Variants in SPDEF observed in about 807,000 individuals in gnomAD.
SPDEF encodes SAM pointed domain-containing Ets transcription factor.
SPDEF carries 12 observed loss-of-function variants against 36.0 expected under a neutral mutation model. The ratio of observed to expected loss-of-function variants is 0.33; its 90% CI spans 0.21 to 0.54. The LOEUF (loss-of-function observed/expected upper bound fraction) is 0.54, where lower values mean the gene tolerates loss of function less well. SPDEF is among the 20% of genes least tolerant of loss of function. The probability of loss-of-function intolerance (pLI) is 0.93; values close to 1 mark genes in which losing one functional copy is unlikely to be tolerated. For synonymous variants in SPDEF, 205 were observed against 193.0 expected, an observed-to-expected ratio of 1.06 and a Z score of -0.51; for missense variants, 388 against 456.9, an observed-to-expected ratio of 0.85 and a Z score of 1.37.
intron 2 of SPDEF, 59 bp downstream of exon 2, chr6:34,543,961 G>C: frequency 6.4e-7 from 1 of 1,552,954 alleles, no homozygotes; most frequent in South Asian, 1.2e-5. Flanking sequence ...ACCCACCCCA[G>C]CGACCTCAGC....
At position 34,548,808 on chromosome 6, in the gene SPDEF, C is replaced by T. The variant is rs192354852; in HGVS notation, c.-29-4324G>A. On this transcript the variant is annotated intron_variant, in intron 1 of 5. Transcript: ENST00000374037. ...GCGAGCCCTCCCTAATAGCTCCCTC[C>T]TGCGACTTCCTAGGCTCGCCTCATC... 3.9e-3 allele frequency among the ~76,000 whole-genome samples: 591 copies of T among 152,338 alleles called. 2 individuals carry two copies. Among genetic ancestry groups the T allele is most frequent in the Non-Finnish European group, 5.9e-3 (401 of 68,020 alleles).
In SPDEF at chr6:34,544,628, C is replaced by T. The variant is rs192937795; in HGVS notation, c.-29-144G>A. ...GGGCTTCCGGGTCATTGGGCAGCCA[C>T]GACATGGTTGGGCAGACAGGCCTTC... On this transcript the variant is annotated intron_variant, in intron 1 of 5. Coordinates refer to ENST00000374037, the MANE Select transcript of SPDEF (RefSeq NM_012391.3). This position sits in a 1 kb window ranked among gnomAD's most constrained non-coding sequence, Gnocchi z 4.4. 9 of 631,896 alleles carry T rather than the reference C, an allele frequency of 1.4e-5. No individual in the cohort carries two copies. The highest frequency in any genetic ancestry group is 3.4e-5 in the Admixed American group (1 of 28,994). 39.1% of individuals were successfully genotyped at this position (631,896 alleles called of 1,614,324 possible). A position where few individuals can be genotyped will look rare whatever the true frequency, so the allele number is the denominator to read the frequency against.
chr6:34,546,191 T>C (rs1002996631), intron 1 of SPDEF, among the ~76,000 whole-genome samples: 1 of 152,238 alleles, frequency 6.6e-6, no homozygotes, highest in African/African-American at 2.4e-5. Context: ...TCACAGCCAC[T>C]GAATCAGCAG....
chr6:34,542,030 T>C (rs1767832759), intron 2 of SPDEF, among the ~76,000 whole-genome samples: 1 of 152,164 alleles, frequency 6.6e-6, no homozygotes, highest in African/African-American at 2.4e-5. Flanking sequence ...TTTGTTTCTG[T>C]TCCCATTGTT....
Position 34,541,036 on chromosome 6 carries a change from G to A in SPDEF, c.582C>T (p.Arg194=), listed in dbSNP as rs1404457360. ...GCAGCACATCCCCACCCAGGGGCGA[G>A]CGCTGGCGGAACTGCTCCTCCGACA... is the stretch of plus-strand genomic sequence containing the variant. ...CAMSEEQFRQ[R]SPLGGDVLHA... Residue 194 remains arginine (R), a synonymous_variant, in exon 3 of 6, where the codon CGC becomes CGT. Transcript: ENST00000374037. 5 of 1,612,364 alleles carry A rather than the reference G, an allele frequency of 3.1e-6. No homozygotes were observed. The highest frequency in any genetic ancestry group is 1.9e-4 in the Middle Eastern group (1 of 5,360).
rs1767894390 is a variant in SPDEF, at chr6:34,544,217, G to A, written c.239C>T (p.Ala80Val). ...DSSWAAKAPG[A>V]SSREEPPEEP... ...CTCAGGTGGCTCCTCCCGACTGCTG[G>A]CCCCAGGGGCCTTGGCTGCCCAGCT... is the stretch of plus-strand genomic sequence containing the variant. The change falls in exon 2 of 6, where the codon GCC (alanine) becomes GTC (valine). Residue 80 changes from alanine to valine, a missense_variant. Ala to Val is a moderately conservative substitution (Grantham distance 64). This residue lies in a region of SPDEF where 308 missense variants were observed against 326.1 expected (regional missense o/e 0.94). Transcript: ENST00000374037. The surrounding 1 kb of genome is among the most constrained non-coding windows in gnomAD (Gnocchi z 4.4). 2 of 1,613,696 alleles carry A rather than the reference G, an allele frequency of 1.2e-6. No individual in the cohort carries two copies. The highest frequency in any genetic ancestry group is 1.3e-5 in the African/African-American group (1 of 74,930).
chr6:34,539,067 G>A lies in SPDEF; in HGVS notation c.829+183C>T, dbSNP rs977262805. ...CAGAGTCTAGCAGGAGACAGATGTG[G>A]ACACAGATTGCACACAGACCCCAGG... On this transcript the variant is annotated intron_variant, in intron 5 of 5. Coordinates refer to ENST00000374037, the MANE Select transcript of SPDEF (RefSeq NM_012391.3). This position sits in a 1 kb window ranked among gnomAD's most constrained non-coding sequence, Gnocchi z 5.2. Among the ~76,000 whole-genome samples, 7 of 152,194 alleles carry A rather than the reference G, an allele frequency of 4.6e-5. No individual in the cohort carries two copies. Among genetic ancestry groups the A allele is most frequent in the African/African-American group, 1.7e-4 (7 of 41,434 alleles).
chr6:34,554,335 G>A (rs1768123638), intron 1 of SPDEF, among the ~76,000 whole-genome samples: 1 of 152,088 alleles, frequency 6.6e-6, no homozygotes, highest in South Asian at 2.1e-4. Flanking sequence ...CACACTTTCT[G>A]AGCATCGACT....
chr6:34,540,582 C>CA (rs141439042), intron 3 of SPDEF, among the ~76,000 whole-genome samples: 2,675 of 152,088 alleles, frequency 0.018, 72 homozygotes, highest in African/African-American at 0.06. Flanking sequence ...CACTACTTTT[C>CA]ACTGTGGTCT....
chr6:34,548,370 C>A (rs1484619289), intron 1 of SPDEF, among the ~76,000 whole-genome samples: 1 of 152,156 alleles, frequency 6.6e-6, no homozygotes, highest in Non-Finnish European at 1.5e-5. Context: ...AAGTCTGTCC[C>A]CACCTCTTGG....
At chr6:34,545,488 G>A (rs1767932011) in intron 1 of SPDEF, among the ~76,000 whole-genome samples, 1 of 152,266 alleles carries the variant, frequency 6.6e-6, no homozygotes, top group African/African-American at 2.4e-5. Flanking sequence ...TTTTGCCCAG[G>A]CCCTTTTCCC....
At chr6:34,543,906 C>T (rs1022128113) in intron 2 of SPDEF, 114 bp downstream of exon 2, 42 of 1,046,806 alleles carry the variant, frequency 4.0e-5, no homozygotes, top group Non-Finnish European at 4.7e-5. Flanking sequence ...CAAAGCTGCC[C>T]GAGGCTGGGC....
rs1767778426 is a variant in SPDEF, at chr6:34,539,705, T to C, written c.635-143A>G. The C allele has an allele frequency of 6.6e-6, 6 of 911,368 alleles. No individual in the cohort carries two copies. Among genetic ancestry groups the C allele is most frequent in the Non-Finnish European group, 1.0e-5 (6 of 573,100 alleles). The allele number at this position is 911,368 out of a possible 1,614,324, so 56.5% of individuals were successfully genotyped here. ...TGTGGCTCCCTGCCTCCTGCCAACC[T>C]GGGGAGGCAAGCTGGTTACAAGAAG... On this transcript the variant is annotated intron_variant, in intron 3 of 5. Transcript: ENST00000374037. The surrounding 1 kb of genome is among the most constrained non-coding windows in gnomAD (Gnocchi z 5.2).
intron 1 of SPDEF, among the ~76,000 whole-genome samples, chr6:34,551,405 C>A (rs1446153414): frequency 6.6e-6 from 1 of 152,202 alleles, no homozygotes; most frequent in African/African-American, 2.4e-5. Context: ...CAGGTGACAC[C>A]CTGCCCTGTT....
chr6:34,542,170 G>A (rs372729689), intron 2 of SPDEF, among the ~76,000 whole-genome samples: 3 of 152,334 alleles, frequency 2.0e-5, no homozygotes, highest in East Asian at 1.9e-4. Context: ...AAATGAGGAC[G>A]TCAACGGGGC....
chr6:34,553,337 C>T lies in SPDEF; in HGVS notation c.-30+2592G>A, dbSNP rs368349560. On this transcript the variant is annotated intron_variant, in intron 1 of 5. Transcript: ENST00000374037. ...TCAGGAAGAGCCCAGGGCAACTCGG[C>T]TTGTGCAAAGTTTGCTTTGGGAAGA... is the stretch of plus-strand genomic sequence containing the variant. Among the ~76,000 whole-genome samples the T allele has an allele frequency of 5.7e-3, 850 of 148,258 alleles. 6 individuals carry two copies. The highest frequency in any genetic ancestry group is 0.02 in the African/African-American group (805 of 40,792).
rs749697437 is a variant in SPDEF at position 34,544,334 on chromosome 6, C to T, written c.122G>A (p.Arg41Gln). The T allele has an allele frequency of 1.9e-5, 31 of 1,607,816 alleles. No individual in the cohort carries two copies. Among genetic ancestry groups the T allele is most frequent in the Non-Finnish European group, 2.4e-5 (28 of 1,179,466 alleles). The change falls in exon 2 of 6, where the codon CGG becomes CAG. Residue 41 changes from arginine (R) to glutamine (Q), a missense_variant. By Grantham distance (43) the Arg-to-Gln change is conservative. Coordinates refer to ENST00000374037, the MANE Select transcript of SPDEF (RefSeq NM_012391.3). This position sits in a 1 kb window ranked among gnomAD's most constrained non-coding sequence, Gnocchi z 4.4. The stretch of plus-strand genomic sequence containing the variant: ...GGCGGGTGGACTGGGACTCCAGTCC[C>T]GTCTCTCGAGACCCACTGCCCCCGC... ...AAAGAVGLER[R>Q]DWSPSPPATP... is the part of the protein sequence containing the mutation.
In SPDEF at chr6:34,544,649, C is replaced by A. The variant is rs113932095; in HGVS notation, c.-29-165G>T. On this transcript the variant is annotated intron_variant, in intron 1 of 5. Transcript: ENST00000374037. This position sits in a 1 kb window ranked among gnomAD's most constrained non-coding sequence, Gnocchi z 4.4. ...GCCACGACATGGTTGGGCAGACAGG[C>A]CTTCTGGCTGGGAAAGACAGCGAGG... is the stretch of plus-strand genomic sequence containing the variant. Among the ~76,000 whole-genome samples the A allele has an allele frequency of 1.3e-3, 193 of 152,288 alleles. No homozygotes were observed. The highest frequency in any genetic ancestry group is 4.3e-3 in the African/African-American group (177 of 41,552).
Position 34,539,159 on chromosome 6 carries a change from C to A in SPDEF, c.829+91G>T. 6.8e-7 allele frequency: 1 copy of A among 1,473,110 alleles called. No individual in the cohort carries two copies. The highest frequency in any genetic ancestry group is 9.3e-7 in the Non-Finnish European group (1 of 1,080,234). The allele number at this position is 1,473,110 out of a possible 1,614,324, so 91.3% of individuals were successfully genotyped here. ...GTGGGGATCAGCTTCACCCCTCTGCCCGCCCCTGCCCCCATGCACCGTGCC... is the reference window on the plus strand; with the variant it reads ...GTGGGGATCAGCTTCACCCCTCTGCACGCCCCTGCCCCCATGCACCGTGCC... On this transcript the variant is annotated intron_variant, in intron 5 of 5. Transcript: ENST00000374037. The surrounding 1 kb of genome is among the most constrained non-coding windows in gnomAD (Gnocchi z 5.2).
Sources: gnomAD v4.1 joint callset for allele counts (sites outside exome capture counted in the v4.1 genomes callset) on GRCh38, gnomAD v4.1.1 for gene constraint, gnomAD v4.1.1 regional missense constraint, Gnocchi (gnomAD v3.1) non-coding constraint, MANE v1.5 for transcripts, NCBI Gene and HGNC (gene_info 2026-07-23, HGNC 2026-07-21) for gene names.